AKAP13: variants seen among roughly 807,000 people sequenced by gnomAD.
AKAP13 encodes the protein A-kinase anchoring protein 13, also known as A-kinase anchor protein 13.
AKAP13 carries 80 observed loss-of-function variants against 264.5 expected under a neutral mutation model. The observed-to-expected ratio is 0.30, with a 90% CI of 0.25 to 0.36. AKAP13 has a LOEUF of 0.36. AKAP13 is among the 10% of genes least tolerant of loss of function. The pLI is 1.00. For missense variants in AKAP13, 3,712 were observed against 3,435.2 expected (o/e 1.08, Z -2.01); for synonymous variants, 1,380 against 1,250.2 (o/e 1.10, Z -2.19).
At chr15:85,707,224 GC>G (rs1004472923) in intron 17 of AKAP13, among the ~76,000 whole-genome samples, 3 of 152,212 alleles carry the variant, frequency 2.0e-5, no homozygotes, top group African/African-American at 7.2e-5. Context: ...CTTTATAGCA[GC>G]GCTGAGAGCT....
Position 85,575,550 on chromosome 15 carries a change from G to A in AKAP13, c.861+221G>A, listed in dbSNP as rs544756736. Among the ~76,000 whole-genome samples, 14 of 152,196 alleles carry A rather than the reference G, an allele frequency of 9.2e-5. No individual in the cohort carries two copies. In the South Asian group the frequency reaches 2.5e-3, roughly 27 times the overall value. ...CTACTAAAAATACAAAAAATTGGCCGGCCTGGTGGCGGGCGCCTGTAGTCC... is the reference window on the plus strand; with the variant it reads ...CTACTAAAAATACAAAAAATTGGCCAGCCTGGTGGCGGGCGCCTGTAGTCC... On this transcript the variant is annotated intron_variant, in intron 6 of 36. Transcript: ENST00000394518.
At chr15:85,521,602 A>G (rs2076825075) in intron 3 of AKAP13, 27 bp downstream of exon 3, 5 of 1,609,520 alleles carry the variant, frequency 3.1e-6, no homozygotes, top group African/African-American at 1.3e-5. Flanking sequence ...GATCCTTACT[A>G]GCTTTTCCTA....
At chr15:85,465,450 A>G (rs1325053780) in intron 1 of AKAP13, among the ~76,000 whole-genome samples, 4 of 148,098 alleles carry the variant, frequency 2.7e-5, no homozygotes, top group Admixed American at 6.7e-5. Flanking sequence ...TGCCGCACCC[A>G]TTAACTCGTC....
Position 85,692,913 on chromosome 15 carries a change from C to T in AKAP13, c.5290-364C>T, listed in dbSNP as rs144543084. Among the ~76,000 whole-genome samples, 221 of 152,296 alleles carry T rather than the reference C, an allele frequency of 1.5e-3. 1 individual carries two copies. Among genetic ancestry groups the T allele is most frequent in the African/African-American group, 5.2e-3 (215 of 41,544 alleles). On this transcript the variant is annotated intron_variant, in intron 16 of 36. Coordinates refer to ENST00000394518, the MANE Select transcript of AKAP13 (RefSeq NM_007200.5). ...CTCTGCCTAAAGCTGGCCCTAAACCCATGACTCTCTTCCTGTGTGGACTGT... is the reference window on the plus strand; with the variant it reads ...CTCTGCCTAAAGCTGGCCCTAAACCTATGACTCTCTTCCTGTGTGGACTGT...
At chr15:85,408,202 A>G (rs931739684) in intron 1 of AKAP13, among the ~76,000 whole-genome samples, 1 of 151,688 alleles carries the variant, frequency 6.6e-6, no homozygotes, top group Non-Finnish European at 1.5e-5. Flanking sequence ...TTTGCCCACA[A>G]TCTATTTTAG....
rs1425762606 is a variant in AKAP13, at chr15:85,746,609, C to T, written c.*1932C>T. 1 of 152,150 alleles carries T rather than the reference C, an allele frequency of 6.6e-6. No individual in the cohort carries two copies. The highest frequency in any genetic ancestry group is 1.5e-5 in the Non-Finnish European group (1 of 68,028). The allele number at this position is 152,150 out of a possible 1,614,324, so 9.4% of individuals were successfully genotyped here. On this transcript the variant is annotated 3_prime_UTR_variant, in exon 37 of 37. Transcript: ENST00000394518. The stretch of plus-strand genomic sequence containing the variant: ...TTCAGAAACAGACCAAAGGCCAAAA[C>T]CTGCTGATTTTTCTATTGAAAATAT...
chr15:85,746,031 T>TC lies in AKAP13; in HGVS notation c.*1355dup, dbSNP rs1391836165. The TC allele has an allele frequency of 6.6e-6, 1 of 152,318 alleles. No individual in the cohort carries two copies. 9.4% of individuals were successfully genotyped at this position (152,318 alleles called of 1,614,324 possible). Reference sequence around the variant, plus strand: ...CCCCAGCTGGTGTGTGCAGGACAGTTCATGGTAATGTTGCCCTCTGAGGCC... The same window carrying TC: ...CCCCAGCTGGTGTGTGCAGGACAGTTCCATGGTAATGTTGCCCTCTGAGGCC... On this transcript the variant is annotated 3_prime_UTR_variant, in exon 37 of 37. Transcript: ENST00000394518.
rs549976717 is a variant in AKAP13, at chr15:85,539,024, G to C, written c.479-4748G>C. Among the ~76,000 whole-genome samples the C allele has an allele frequency of 3.3e-5, 5 of 150,320 alleles. No individual in the cohort carries two copies. In the East Asian group the frequency reaches 7.8e-4, roughly 24 times the overall value. On this transcript the variant is annotated intron_variant, in intron 4 of 36. Coordinates refer to ENST00000394518, the MANE Select transcript of AKAP13 (RefSeq NM_007200.5). Reference sequence around the variant, plus strand: ...TTTTTGTATTTTTTGGTAGAGACGGGGTTTCACCATGTTAGCCAGGATGGT... The same window carrying C: ...TTTTTGTATTTTTTGGTAGAGACGGCGTTTCACCATGTTAGCCAGGATGGT...
chr15:85,604,550 G>A lies in AKAP13; in HGVS notation c.4161+18727G>A, dbSNP rs145747355. ...GCAATCTCGGCTCATTGCAACCTCT[G>A]CCTCCCGGGTTCAAGCAATTCTCCT... On this transcript the variant is annotated intron_variant, in intron 8 of 36. Transcript: ENST00000394518. 4.6e-4 allele frequency among the ~76,000 whole-genome samples: 69 copies of A among 151,294 alleles called. No individual in the cohort carries two copies. In the East Asian group the frequency reaches 0.012, roughly 26 times the overall value.
intron 1 of AKAP13, among the ~76,000 whole-genome samples, chr15:85,423,935 G>A (rs1424905743): frequency 6.6e-6 from 1 of 152,214 alleles, no homozygotes; most frequent in Non-Finnish European, 1.5e-5. Context: ...CAGGTGCATT[G>A]TGAGTGAGCA....
intron 1 of AKAP13, among the ~76,000 whole-genome samples, chr15:85,433,117 GT>G (rs199655190): frequency 0.15 from 7,860 of 52,052 alleles, 295 homozygotes; most frequent in Admixed American, 0.22. Flanking sequence ...CTTCTGTACA[GT>G]TTTTTTTTTT....
chr15:85,442,533 A>T (rs1285254655), intron 1 of AKAP13, among the ~76,000 whole-genome samples: 5 of 128,652 alleles, frequency 3.9e-5, no homozygotes, highest in Non-Finnish European at 8.0e-5. Context: ...ATTATATATA[A>T]TATATATTAT....
chr15:85,514,747 A>G (rs1254754302), intron 2 of AKAP13, among the ~76,000 whole-genome samples: 1 of 137,728 alleles, frequency 7.3e-6, no homozygotes, highest in East Asian at 2.1e-4. Context: ...GTAACTGGGC[A>G]AAGTGTTATC....
intron 5 of AKAP13, among the ~76,000 whole-genome samples, chr15:85,548,962 C>T (rs1206880693): frequency 2.7e-5 from 4 of 146,380 alleles, no homozygotes; most frequent in East Asian, 4.0e-4. Flanking sequence ...CAATGGGTTG[C>T]TTTGAGAAAT....
chr15:85,703,851 A>ATATATAT (rs1376902995), intron 17 of AKAP13, among the ~76,000 whole-genome samples: 1 of 122,534 alleles, frequency 8.2e-6, no homozygotes, highest in Non-Finnish European at 1.8e-5. Context: ...TCAAAAAAAA[A>ATATATAT]AAATATATAT....
intron 1 of AKAP13, among the ~76,000 whole-genome samples, chr15:85,405,445 A>G (rs1451793836): frequency 2.6e-5 from 4 of 152,222 alleles, no homozygotes; most frequent in African/African-American, 9.6e-5. Flanking sequence ...AGTTATTTGA[A>G]TTCTAATCTT....
intron 1 of AKAP13, among the ~76,000 whole-genome samples, chr15:85,397,956 T>C (rs1376052963): frequency 6.6e-6 from 1 of 152,214 alleles, no homozygotes; most frequent in South Asian, 2.1e-4. Context: ...TTAATCCTCA[T>C]AATTCTAATC....
intron 1 of AKAP13, among the ~76,000 whole-genome samples, chr15:85,451,279 A>G (rs539821837): frequency 2.0e-5 from 3 of 152,208 alleles, no homozygotes; most frequent in Non-Finnish European, 4.4e-5. Context: ...TATGAGTGAG[A>G]TGGGTCTCTT....
chr15:85,715,988 C>CG (rs2086911168), intron 20 of AKAP13, 65 bp downstream of exon 20: 5 of 1,376,664 alleles, frequency 3.6e-6, no homozygotes. Context: ...ATAATCACAT[C>CG]ATATGACAAA....
Sources: allele counts gnomAD v4.1 joint callset (sites outside exome capture counted in the v4.1 genomes callset), GRCh38; gene constraint gnomAD v4.1.1; transcripts MANE v1.5; gene names NCBI Gene and HGNC (gene_info 2026-07-23, HGNC 2026-07-21).